The following HSPBAP1 variants were observed in gnomAD, a reference collection of about 807,000 sequenced individuals.
HSPBAP1 encodes HSPB1 associated protein 1.
In HSPBAP1, 27 loss-of-function variants were observed where a neutral mutation model predicts 45.2. That is an observed-to-expected ratio of 0.60 (90% CI 0.44 to 0.82). The LOEUF (loss-of-function observed/expected upper bound fraction) is 0.82, where lower values mean the gene tolerates loss of function less well. Among genes scored for constraint, HSPBAP1 ranks in the 40% least tolerant of loss-of-function variants. The probability of loss-of-function intolerance (pLI) is 0.00; values close to 1 mark genes in which losing one functional copy is unlikely to be tolerated. For synonymous variants in HSPBAP1, 204 were observed against 202.7 expected (o/e 1.01, Z -0.06); for missense variants, 510 against 590.9 (o/e 0.86, Z 1.42).
rs574083990 is a variant in HSPBAP1, at chr3:122,768,838, C to G, written c.295G>C (p.Glu99Gln). The change falls in exon 3 of 8, where the codon GAA (glutamate) becomes CAA (glutamine). Residue 99 changes from glutamate to glutamine, a missense_variant. By Grantham distance (29) the Glu-to-Gln change is conservative. Transcript: ENST00000306103. ...TCACAGTTCCAGGTCAGAAACTCTTCGAGTGTAGCTTCTACGTAATTACAT... is the reference window on the plus strand; with the variant it reads ...TCACAGTTCCAGGTCAGAAACTCTTGGAGTGTAGCTTCTACGTAATTACAT... ...TTCNYVEATL[E>Q]EFLTWNCDQS... is the part of the protein sequence containing the mutation. 1.2e-6 allele frequency: 2 copies of G among 1,612,790 alleles called. No individual in the cohort carries two copies. The highest frequency in any genetic ancestry group is 1.7e-6 in the Non-Finnish European group (2 of 1,178,838).
intron 6 of HSPBAP1, among the ~76,000 whole-genome samples, chr3:122,749,459 A>C (rs1369831462): frequency 1.3e-5 from 2 of 152,308 alleles, no homozygotes; most frequent in South Asian, 4.1e-4. Context: ...TTCCTTCACA[A>C]TGACTCCTGA....
chr3:122,753,810 C>A lies in HSPBAP1; in HGVS notation c.742-1136G>T, dbSNP rs9868864. The stretch of plus-strand genomic sequence containing the variant: ...GAGTAAAGTTTCAGTAAAGTGGTGA[C>A]AGAAAGAGCTGGGTTTGAGTGGATT... On this transcript the variant is annotated intron_variant, in intron 5 of 7. Coordinates refer to ENST00000306103, the MANE Select transcript of HSPBAP1 (RefSeq NM_024610.6). 1.5e-3 allele frequency: 1,473 copies of A among 985,136 alleles called. 17 individuals are homozygous for A. The African/African-American group carries it at 0.024, about 16-fold the overall frequency. The allele number at this position is 985,136 out of a possible 1,614,324, so 61.0% of individuals were successfully genotyped here.
At chr3:122,763,507 C>G (rs1157879549) in intron 3 of HSPBAP1, among the ~76,000 whole-genome samples, 3 of 151,992 alleles carry the variant, frequency 2.0e-5, no homozygotes, top group Non-Finnish European at 4.4e-5. Flanking sequence ...GTCCCACTGT[C>G]TCGACACTAG....
intron 1 of HSPBAP1, among the ~76,000 whole-genome samples, chr3:122,788,679 A>T (rs1400504012): frequency 6.6e-6 from 1 of 152,234 alleles, no homozygotes; most frequent in Admixed American, 6.5e-5. Context: ...ATGCTAACTG[A>T]AATAAGCCAG....
At chr3:122,773,400 C>T (rs1300027235) in intron 2 of HSPBAP1, among the ~76,000 whole-genome samples, 1 of 138,326 alleles carries the variant, frequency 7.2e-6, no homozygotes, top group African/African-American at 2.7e-5. Flanking sequence ...ACCTCTGCTT[C>T]TGGGGTTCAA....
chr3:122,793,478 T>C, intron 1 of HSPBAP1, 139 bp downstream of exon 1: 1 of 696,206 alleles, frequency 1.4e-6, no homozygotes, highest in South Asian at 1.8e-5. Flanking sequence ...CACTAGAAAA[T>C]ATAGATTTTT....
At chr3:122,759,101 C>G (rs1934461787) in intron 4 of HSPBAP1, 123 bp downstream of exon 4, 1 of 1,383,554 alleles carries the variant, frequency 7.2e-7, no homozygotes, top group African/African-American at 1.4e-5. Context: ...ATGAGGCAGG[C>G]TGACAGGATG....
rs1182863434 is a variant in HSPBAP1, at chr3:122,759,269, T to A, written c.524A>T (p.His175Leu). 1 of 1,613,806 alleles carries A rather than the reference T, an allele frequency of 6.2e-7. No homozygotes were observed. Residue 175 changes from histidine (H) to leucine (L), a missense_variant, in exon 4 of 8, where the codon CAT becomes CTT. By Grantham distance (99) the His-to-Leu change is moderately conservative. Coordinates refer to ENST00000306103, the MANE Select transcript of HSPBAP1 (RefSeq NM_024610.6). ...CAAGTTACAACCATAGGAGTCCAGA[T>A]GACAGGGTGTGTGGGCTCCCAAGGA... is the stretch of plus-strand genomic sequence containing the variant. Reference protein sequence around the residue: ...IGSLGAHTPCHLDSYGCNLVF... With the variant: ...IGSLGAHTPCLLDSYGCNLVF...
chr3:122,791,516 C>T lies in HSPBAP1; in HGVS notation c.64+2101G>A, dbSNP rs1935830256. Among the ~76,000 whole-genome samples the T allele has an allele frequency of 2.0e-5, 3 of 152,204 alleles. No individual in the cohort carries two copies. The South Asian group carries it at 6.2e-4, about 31-fold the overall frequency. On this transcript the variant is annotated intron_variant, in intron 1 of 7. Transcript: ENST00000306103. ...GGTAGAGAATGAAACAGACATAGGTCCTGCCCTCAAGGTACTTATGATCTA... is the reference window on the plus strand; with the variant it reads ...GGTAGAGAATGAAACAGACATAGGTTCTGCCCTCAAGGTACTTATGATCTA...
intron 2 of HSPBAP1, among the ~76,000 whole-genome samples, chr3:122,773,820 G>A (rs752818734): frequency 2.7e-5 from 4 of 150,120 alleles, no homozygotes; most frequent in African/African-American, 4.9e-5. Context: ...TATACTTTTT[G>A]TAGAGACAGG....
chr3:122,759,097 C>T (rs1490134387), intron 4 of HSPBAP1, 127 bp downstream of exon 4: 2 of 1,359,372 alleles, frequency 1.5e-6, no homozygotes, highest in Non-Finnish European at 2.0e-6. Flanking sequence ...AATCATGAGG[C>T]AGGCTGACAG....
intron 6 of HSPBAP1, among the ~76,000 whole-genome samples, chr3:122,747,288 A>G (rs1345383597): frequency 2.7e-5 from 4 of 145,860 alleles, no homozygotes; most frequent in South Asian, 4.4e-4. Flanking sequence ...AGATGTGGGG[A>G]GCGCCTCTGC....
intron 6 of HSPBAP1, among the ~76,000 whole-genome samples, chr3:122,751,052 G>A (rs1934116775): frequency 6.6e-6 from 1 of 152,170 alleles, no homozygotes; most frequent in African/African-American, 2.4e-5. Flanking sequence ...ACTAAAGTGA[G>A]ATGAGATTAC....
intron 3 of HSPBAP1, among the ~76,000 whole-genome samples, chr3:122,760,128 G>C (rs76800417): frequency 0.014 from 2,060 of 152,268 alleles, 31 homozygotes; most frequent in Non-Finnish European, 0.023. Context: ...CATATGCCTG[G>C]TTCTGTGAGC....
At chr3:122,743,169 T>C (rs1933727198) in intron 6 of HSPBAP1, among the ~76,000 whole-genome samples, 1 of 152,236 alleles carries the variant, frequency 6.6e-6, no homozygotes, top group Non-Finnish European at 1.5e-5. Context: ...AAACATTCCA[T>C]TGTACACATA....
At chr3:122,767,530 C>T (rs1191768020) in intron 3 of HSPBAP1, among the ~76,000 whole-genome samples, 1 of 152,006 alleles carries the variant, frequency 6.6e-6, no homozygotes, top group Non-Finnish European at 1.5e-5. Flanking sequence ...TGCATTCCAG[C>T]CTGGGTGACA....
At chr3:122,767,135 A>G (rs1934810836) in intron 3 of HSPBAP1, among the ~76,000 whole-genome samples, 1 of 152,248 alleles carries the variant, frequency 6.6e-6, no homozygotes, top group South Asian at 2.1e-4. Flanking sequence ...TTTAAAAATG[A>G]GTAAATAGTA....
chr3:122,762,492 A>C (rs1281361923), intron 3 of HSPBAP1, among the ~76,000 whole-genome samples: 1 of 152,144 alleles, frequency 6.6e-6, no homozygotes, highest in Non-Finnish European at 1.5e-5. Flanking sequence ...TTAAGCAACT[A>C]AATTATACCA....
chr3:122,768,805 T>C lies in HSPBAP1; in HGVS notation c.328A>G (p.Ser110Gly), dbSNP rs1371759083. ...TAATCTCTAAATGGTCCAGAAATACTAGACTGGTCACAGTTCCAGGTCAGA... is the reference window on the plus strand; with the variant it reads ...TAATCTCTAAATGGTCCAGAAATACCAGACTGGTCACAGTTCCAGGTCAGA... ...EFLTWNCDQS[S>G]ISGPFRDYDH... is the part of the protein sequence containing the mutation. Residue 110 changes from serine to glycine, a missense_variant, in exon 3 of 8, where the codon AGT becomes GGT. Coordinates refer to ENST00000306103, the MANE Select transcript of HSPBAP1 (RefSeq NM_024610.6). 1.2e-6 allele frequency: 2 copies of C among 1,610,916 alleles called. No individual in the cohort carries two copies. Among genetic ancestry groups the C allele is most frequent in the Non-Finnish European group, 8.5e-7 (1 of 1,177,058 alleles).
Sources: gnomAD v4.1 joint callset for allele counts (sites outside exome capture counted in the v4.1 genomes callset) on GRCh38, gnomAD v4.1.1 for gene constraint, MANE v1.5 for transcripts, NCBI Gene and HGNC (gene_info 2026-07-23, HGNC 2026-07-21) for gene names.